Variants in CNTNAP2 observed in about 807,000 individuals in gnomAD.
CNTNAP2 encodes the protein contactin associated protein 2.
A neutral mutation model predicts 155.2 loss-of-function variants in CNTNAP2; 98 were observed. The ratio of observed to expected loss-of-function variants is 0.63; its 90% confidence interval spans 0.54 to 0.75. The LOEUF (loss-of-function observed/expected upper bound fraction) is 0.75, where lower values mean the gene tolerates loss of function less well. CNTNAP2 is among the 30% of genes least tolerant of loss of function. The pLI is 0.00. For missense variants in CNTNAP2, 1,727 were observed against 1,688.1 expected (o/e 1.02, Z -0.40); for synonymous variants, 651 against 631.2 (o/e 1.03, Z -0.47).
At chr7:148,173,875 C>T (rs1433660186) in intron 18 of CNTNAP2, among the ~76,000 whole-genome samples, 1 of 152,204 alleles carries the variant, frequency 6.6e-6, no homozygotes, top group Non-Finnish European at 1.5e-5. Context: ...CTGCGAGATT[C>T]CACTACATAA....
intron 12 of CNTNAP2, among the ~76,000 whole-genome samples, chr7:147,603,840 A>G (rs904095237): frequency 3.3e-5 from 5 of 152,330 alleles, no homozygotes; most frequent in East Asian, 3.9e-4. Flanking sequence ...GGCTACAGTA[A>G]CCAAAACAGC....
At chr7:146,616,970 G>A (rs1025113925) in intron 1 of CNTNAP2, among the ~76,000 whole-genome samples, 23 of 152,118 alleles carry the variant, frequency 1.5e-4, no homozygotes, top group African/African-American at 3.6e-4. Context: ...TTATAATTAC[G>A]TGATTGGATG....
chr7:148,409,324 AG>A, intron 22 of CNTNAP2, 66 bp from the exon 23 acceptor site: 1 of 1,202,410 alleles, frequency 8.3e-7, no homozygotes, highest in Non-Finnish European at 1.2e-6. Flanking sequence ...ATGAAGAAAT[AG>A]GTATCAAATT....
chr7:147,411,237 TAAG>T (rs1392572264), intron 10 of CNTNAP2, among the ~76,000 whole-genome samples: 6 of 152,114 alleles, frequency 3.9e-5, no homozygotes, highest in South Asian at 2.1e-4. Context: ...AAAAATAAAA[TAAG>T]AAGTATTCAA....
At chr7:148,064,867 TGA>T (rs1201818849) in intron 15 of CNTNAP2, among the ~76,000 whole-genome samples, 1 of 152,138 alleles carries the variant, frequency 6.6e-6, no homozygotes, top group Non-Finnish European at 1.5e-5. Flanking sequence ...TCTAGTTCCT[TGA>T]GGTTTTACCT....
intron 12 of CNTNAP2, among the ~76,000 whole-genome samples, chr7:147,573,461 G>T (rs1295364864): frequency 6.6e-6 from 1 of 152,102 alleles, no homozygotes; most frequent in Non-Finnish European, 1.5e-5. Flanking sequence ...TATCTTCACT[G>T]GACCCCTATT....
At chr7:147,450,746 G>A (rs1259310375) in intron 10 of CNTNAP2, among the ~76,000 whole-genome samples, 2 of 152,138 alleles carry the variant, frequency 1.3e-5, no homozygotes, top group African/African-American at 4.8e-5. Context: ...AAATTAATAA[G>A]CCAAAGTTTC....
intron 1 of CNTNAP2, among the ~76,000 whole-genome samples, chr7:146,733,856 T>G (rs1290498133): frequency 6.6e-6 from 1 of 152,164 alleles, no homozygotes; most frequent in Non-Finnish European, 1.5e-5. Context: ...TACTTGACCA[T>G]GTCCATGGTA....
chr7:146,730,799 T>G (rs1300093219), intron 1 of CNTNAP2, among the ~76,000 whole-genome samples: 2 of 152,206 alleles, frequency 1.3e-5, no homozygotes, highest in Middle Eastern at 3.2e-3. Context: ...CATCCTTGTT[T>G]TTATTTCCAC....
chr7:147,942,141 G>A (rs1563142585), intron 14 of CNTNAP2, among the ~76,000 whole-genome samples: 1 of 152,138 alleles, frequency 6.6e-6, no homozygotes. Flanking sequence ...GCTCACATCA[G>A]GTCTAGAAAA....
chr7:146,248,650 T>A (rs1394028183), intron 1 of CNTNAP2, among the ~76,000 whole-genome samples: 1 of 150,960 alleles, frequency 6.6e-6, no homozygotes. Flanking sequence ...GAGAAGAGAG[T>A]AAAAAGGGGC....
At chr7:146,227,689 C>G (rs1799319099) in intron 1 of CNTNAP2, among the ~76,000 whole-genome samples, 1 of 151,828 alleles carries the variant, frequency 6.6e-6, no homozygotes, top group African/African-American at 2.4e-5. Flanking sequence ...GTAGAAATAT[C>G]AAAAAGGACA....
intron 3 of CNTNAP2, among the ~76,000 whole-genome samples, chr7:146,848,352 A>G (rs1794802909): frequency 6.6e-6 from 1 of 152,228 alleles, no homozygotes; most frequent in South Asian, 2.1e-4. Flanking sequence ...TCGTGAAAAA[A>G]GAGTGAGCTT....
chr7:147,450,691 T>C (rs980995424), intron 10 of CNTNAP2, among the ~76,000 whole-genome samples: 3 of 152,222 alleles, frequency 2.0e-5, no homozygotes, highest in Non-Finnish European at 4.4e-5. Context: ...TTCTCAATGT[T>C]TCAGACCAAA....
At chr7:146,482,417 A>C (rs568944962) in intron 1 of CNTNAP2, among the ~76,000 whole-genome samples, 1 of 146,420 alleles carries the variant, frequency 6.8e-6, no homozygotes, top group Non-Finnish European at 1.5e-5. Context: ...ATATATATAT[A>C]TATCTGTGCA....
chr7:147,569,167 C>T (rs764297966), intron 12 of CNTNAP2, among the ~76,000 whole-genome samples: 7 of 152,138 alleles, frequency 4.6e-5, no homozygotes, highest in Admixed American at 3.9e-4. Context: ...GAAAGCTGTT[C>T]GTGTCTTTTT....
chr7:148,283,995 T>C (rs557178176), intron 21 of CNTNAP2, among the ~76,000 whole-genome samples: 4 of 152,356 alleles, frequency 2.6e-5, no homozygotes, highest in Admixed American at 6.5e-5. Context: ...TATTCACTAA[T>C]TGAGTGTTAG....
chr7:147,740,388 T>C (rs1796936641), intron 13 of CNTNAP2, among the ~76,000 whole-genome samples: 1 of 152,188 alleles, frequency 6.6e-6, no homozygotes, highest in Admixed American at 6.5e-5. Flanking sequence ...GAAACACATT[T>C]GTGTAGCAAT....
chr7:147,909,789 T>C (rs979805023), intron 14 of CNTNAP2, among the ~76,000 whole-genome samples: 9 of 152,210 alleles, frequency 5.9e-5, no homozygotes, highest in Admixed American at 4.6e-4. Flanking sequence ...ATTGCGTGAG[T>C]ACCCTTCTCT....
Sources: allele counts gnomAD v4.1 joint callset (sites outside exome capture counted in the v4.1 genomes callset), GRCh38; gene constraint gnomAD v4.1.1; transcripts MANE v1.5; gene names NCBI Gene and HGNC (gene_info 2026-07-23, HGNC 2026-07-21).